BIRC2: variants seen among roughly 807,000 people sequenced by gnomAD.
BIRC2 encodes the protein baculoviral IAP repeat containing 2.
BIRC2 carries 18 observed loss-of-function variants against 60.9 expected under a neutral mutation model. The observed-to-expected ratio is 0.30, with a 90% CI of 0.20 to 0.44. BIRC2 has a LOEUF of 0.44. BIRC2 is among the 20% of genes least tolerant of loss of function. BIRC2 has a pLI of 1.00. For synonymous variants in BIRC2, 282 were observed against 247.7 expected (o/e 1.14, Z -1.30); for missense variants, 701 against 728.5 (o/e 0.96, Z 0.43).
chr11:102,377,435 A>C (rs1177839293), intron 6 of BIRC2, 61 bp from the exon 7 acceptor site: 1 of 1,459,484 alleles, frequency 6.9e-7, no homozygotes, highest in Admixed American at 2.3e-5. Flanking sequence ...ATTAGTGACT[A>C]TATGAGTATA....
At chr11:102,350,971 C>G (rs554202776) in intron 3 of BIRC2, 28 bp downstream of exon 3, 3 of 1,600,512 alleles carry the variant, frequency 1.9e-6, no homozygotes, top group East Asian at 2.2e-5. Flanking sequence ...GGTATTTGTA[C>G]AAAAAACTCT....
chr11:102,353,079 T>C (rs1951381701), intron 3 of BIRC2, among the ~76,000 whole-genome samples: 1 of 152,198 alleles, frequency 6.6e-6, no homozygotes, highest in African/African-American at 2.4e-5. Context: ...TATCAGACTT[T>C]TAAATGACTT....
At chr11:102,358,877 A>G (rs1263132975) in intron 3 of BIRC2, among the ~76,000 whole-genome samples, 1 of 152,180 alleles carries the variant, frequency 6.6e-6, no homozygotes, top group East Asian at 1.9e-4. Flanking sequence ...TCTCTTGTAG[A>G]CAACCTGTAG....
intron 6 of BIRC2, among the ~76,000 whole-genome samples, chr11:102,372,557 T>C (rs1254982473): frequency 6.6e-6 from 1 of 151,234 alleles, no homozygotes; most frequent in East Asian, 1.9e-4. Flanking sequence ...TCTGTTCTTT[T>C]ACATTTGCTG....
chr11:102,367,963 G>T (rs372112788), intron 5 of BIRC2, among the ~76,000 whole-genome samples: 1 of 152,060 alleles, frequency 6.6e-6, no homozygotes, highest in Non-Finnish European at 1.5e-5. Flanking sequence ...TTCTAAGTTC[G>T]TATAGCATAT....
chr11:102,373,297 T>G (rs1043083850), intron 6 of BIRC2, among the ~76,000 whole-genome samples: 16 of 152,316 alleles, frequency 1.1e-4, no homozygotes, highest in South Asian at 1.0e-3. Context: ...ATTTTGCAGC[T>G]GCTGGTACCG....
At chr11:102,352,570 C>G (rs1178761896) in intron 3 of BIRC2, among the ~76,000 whole-genome samples, 1 of 152,142 alleles carries the variant, frequency 6.6e-6, no homozygotes, top group Non-Finnish European at 1.5e-5. Context: ...GCCACCATGC[C>G]TGGTTAATTT....
At chr11:102,374,466 C>G (rs1255667758) in intron 6 of BIRC2, among the ~76,000 whole-genome samples, 1 of 149,456 alleles carries the variant, frequency 6.7e-6, no homozygotes, top group Non-Finnish European at 1.5e-5. Flanking sequence ...GGGTGCCTCC[C>G]AGTTAGGCTG....
rs776687396 is a variant in BIRC2 at position 102,349,931 on chromosome 11, C to T, written c.77C>T (p.Thr26Met). 4.5e-5 allele frequency: 72 copies of T among 1,613,976 alleles called. No individual in the cohort carries two copies. Among genetic ancestry groups the T allele is most frequent in the African/African-American group, 8.0e-5 (6 of 74,910 alleles). ...QNIKSIMEDS[T>M]ILSDWTNSNK... ...ATTAAGAGTATAATGGAAGATAGCACGATCTTGTCAGATTGGACAAACAGC... is the reference window on the plus strand; with the variant it reads ...ATTAAGAGTATAATGGAAGATAGCATGATCTTGTCAGATTGGACAAACAGC... The change falls in exon 2 of 9, where the codon ACG (threonine) becomes ATG (methionine). Residue 26 changes from threonine to methionine, a missense_variant. Thr to Met is a moderately conservative substitution (Grantham distance 81). Around this residue, in one of 4 missense-constraint regions of BIRC2, gnomAD observed 375 missense variants for 365.9 expected, o/e 1.02. Transcript: ENST00000227758.
chr11:102,349,316 ATTAC>A lies in BIRC2; in HGVS notation c.-536_-533del, dbSNP rs1246034200. The A allele has an allele frequency of 6.6e-6, 1 of 152,536 alleles. No homozygotes were observed. 9.4% of individuals were successfully genotyped at this position (152,536 alleles called of 1,614,324 possible). Reference sequence around the variant, plus strand: ...ATAGTGTGACCATATGAAGGTTTTAATTACTTTTGTTTATTGGAATAAAATGAGA... The same window carrying A: ...ATAGTGTGACCATATGAAGGTTTTAATTTTGTTTATTGGAATAAAATGAGA... On this transcript the variant is annotated 5_prime_UTR_variant, in exon 2 of 9. An upstream open reading frame in the 5' UTR gains an earlier in-frame stop. Transcript: ENST00000227758.
intron 1 of BIRC2, among the ~76,000 whole-genome samples, chr11:102,348,014 C>G (rs762597586): frequency 4.4e-4 from 67 of 152,188 alleles, no homozygotes; most frequent in Non-Finnish European, 9.1e-4. Context: ...GTCGTAGTGC[C>G]GGAGCCACTG....
rs544339624 is a variant in BIRC2 at position 102,349,668 on chromosome 11, A to C, written c.-187A>C. On this transcript the variant is annotated 5_prime_UTR_variant, in exon 2 of 9. Transcript: ENST00000227758. ...AACCCCAAAGAGTTGTGTTCTAAGT[A>C]GTATCTTGGTAATTCAGAGAGATAC... The C allele has an allele frequency of 1.7e-6, 1 of 596,500 alleles. No homozygotes were observed. The highest frequency in any genetic ancestry group is 2.8e-6 in the Non-Finnish European group (1 of 354,340). 37.0% of individuals were successfully genotyped at this position (596,500 alleles called of 1,614,324 possible).
chr11:102,364,685 T>G (rs1951533381), intron 5 of BIRC2, among the ~76,000 whole-genome samples: 1 of 152,214 alleles, frequency 6.6e-6, no homozygotes, highest in African/African-American at 2.4e-5. Context: ...GGCAGATTTG[T>G]TAACTGGACC....
intron 3 of BIRC2, among the ~76,000 whole-genome samples, chr11:102,351,633 A>G (rs953079589): frequency 5.3e-5 from 8 of 150,334 alleles, no homozygotes; most frequent in Non-Finnish European, 8.9e-5. Flanking sequence ...AAAAAAAAAA[A>G]AAAAGAAAAA....
chr11:102,357,546 A>G (rs1422992203), intron 3 of BIRC2, among the ~76,000 whole-genome samples: 1 of 152,156 alleles, frequency 6.6e-6, no homozygotes, highest in Non-Finnish European at 1.5e-5. Flanking sequence ...CTAGGAATGC[A>G]TCCATTTCTT....
At chr11:102,351,196 T>A (rs1951354392) in intron 3 of BIRC2, among the ~76,000 whole-genome samples, 1 of 152,080 alleles carries the variant, frequency 6.6e-6, no homozygotes. Context: ...TTTTAAAGAG[T>A]ACTTAAGGAT....
At chr11:102,374,430 T>C (rs1262938694) in intron 6 of BIRC2, among the ~76,000 whole-genome samples, 1 of 148,392 alleles carries the variant, frequency 6.7e-6, no homozygotes, top group African/African-American at 2.5e-5. Context: ...CCCTGCCGTG[T>C]GAGGTGTCAG....
In BIRC2 at chr11:102,377,569, T is replaced by C; in HGVS notation, c.1440T>C (p.Asp480=). 6.2e-7 allele frequency: 1 copy of C among 1,611,340 alleles called. No homozygotes were observed. ...QQLTCVLPIL[D]NLLKANVINK... ...TGACATGTGTGCTTCCTATCCTGGA[T>C]AATCTTTTAAAGGCCAATGTAATTA... The change falls in exon 7 of 9, where the codon GAT becomes GAC. Residue 480 remains aspartate (D), a synonymous_variant. Transcript: ENST00000227758.
intron 4 of BIRC2, among the ~76,000 whole-genome samples, 167 bp downstream of exon 4, chr11:102,363,141 A>G (rs1951504907): frequency 6.6e-6 from 1 of 152,124 alleles, no homozygotes. Flanking sequence ...TTTCTCTTTT[A>G]TTAATTGTAG....
Sources: gnomAD v4.1 joint callset for allele counts (sites outside exome capture counted in the v4.1 genomes callset) on GRCh38, gnomAD v4.1.1 for gene constraint, gnomAD v4.1.1 regional missense constraint, MANE v1.5 for transcripts, NCBI Gene and HGNC (gene_info 2026-07-23, HGNC 2026-07-21) for gene names.